The following GRM7 variants were observed in gnomAD, a reference collection of about 807,000 sequenced individuals.
GRM7 encodes metabotropic glutamate receptor 7.
A neutral mutation model predicts 84.5 loss-of-function variants in GRM7; 35 were observed. The ratio of observed to expected loss-of-function variants is 0.41; its 90% CI spans 0.32 to 0.55. The LOEUF (loss-of-function observed/expected upper bound fraction) is 0.55, where lower values mean the gene tolerates loss of function less well. Among genes scored for constraint, GRM7 ranks in the 20% least tolerant of loss-of-function variants. The pLI is 0.19. For missense variants in GRM7, 1,003 were observed against 1,194.6 expected (o/e 0.84, Z 2.36); for synonymous variants, 487 against 455.1 (o/e 1.07, Z -0.89).
chr3:7,349,187 A>G (rs1693024082), intron 4 of GRM7, among the ~76,000 whole-genome samples: 2 of 151,958 alleles, frequency 1.3e-5, no homozygotes, highest in Non-Finnish European at 2.9e-5. Context: ...CACAATGAAC[A>G]TTTTTACTCC....
intron 2 of GRM7, among the ~76,000 whole-genome samples, chr3:7,281,594 G>C (rs994235371): frequency 2.5e-4 from 38 of 152,066 alleles, no homozygotes; most frequent in African/African-American, 8.7e-4. Context: ...TCCTAAGAAA[G>C]CAGATTTTTT....
rs5846535 is a variant in GRM7, at chr3:7,713,124, G to GTTTTTTTTTTTTTTTTTTTTTTTTTTT, written c.2699-27231_2699-27205dup. Among the ~76,000 whole-genome samples, 3 of 97,124 alleles carry GTTTTTTTTTTTTTTTTTTTTTTTTTTT rather than the reference G, an allele frequency of 3.1e-5. 1 individual carries two copies. The highest frequency in any genetic ancestry group is 4.4e-5 in the Non-Finnish European group (2 of 45,308). 63.7% of individuals were successfully genotyped at this position (97,124 alleles called of 152,430 possible). Reference sequence around the variant, plus strand: ...ATAGAGAGGATTCGAATTTTGTTTTGTTTTTTTTTTTTTTTTTTTTTTTTT... The same window carrying GTTTTTTTTTTTTTTTTTTTTTTTTTTT: ...ATAGAGAGGATTCGAATTTTGTTTTGTTTTTTTTTTTTTTTTTTTTTTTTTTTTTTTTTTTTTTTTTTTTTTTTTTTT... On this transcript the variant is annotated intron_variant, in intron 9 of 9. Coordinates refer to ENST00000357716, the MANE Select transcript of GRM7 (RefSeq NM_000844.4).
intron 1 of GRM7, among the ~76,000 whole-genome samples, chr3:6,950,767 C>T (rs1692717745): frequency 6.6e-6 from 1 of 152,238 alleles, no homozygotes; most frequent in Admixed American, 6.5e-5. Context: ...AGGCGCCCCT[C>T]CCCCAGCCTT....
At chr3:7,727,035 T>C (rs1341141289) in intron 9 of GRM7, among the ~76,000 whole-genome samples, 1 of 152,104 alleles carries the variant, frequency 6.6e-6, no homozygotes, top group African/African-American at 2.4e-5. Context: ...TTGATTTATT[T>C]TCTTTCATAT....
At position 7,696,415 on chromosome 3, in the gene GRM7, A is replaced by G. The variant is rs537556571; in HGVS notation, c.2698+16120A>G. Among the ~76,000 whole-genome samples, 33 of 152,276 alleles carry G rather than the reference A, an allele frequency of 2.2e-4. No homozygotes were observed. In the South Asian group the frequency reaches 6.0e-3, roughly 28 times the overall value. Reference sequence around the variant, plus strand: ...TGGCAAGTTTGTTTGTGGTCAGTACATGGATAATGACTACAGTAAGGCCCT... The same window carrying G: ...TGGCAAGTTTGTTTGTGGTCAGTACGTGGATAATGACTACAGTAAGGCCCT... On this transcript the variant is annotated intron_variant, in intron 9 of 9. Transcript: ENST00000357716.
chr3:7,494,771 G>A (rs1699641847), intron 7 of GRM7, among the ~76,000 whole-genome samples: 1 of 152,064 alleles, frequency 6.6e-6, no homozygotes, highest in Non-Finnish European at 1.5e-5. Context: ...GTAATTTTAA[G>A]CAATATTGTT....
chr3:7,308,235 A>G (rs1249758847), intron 4 of GRM7, among the ~76,000 whole-genome samples: 2 of 138,564 alleles, frequency 1.4e-5, no homozygotes, highest in African/African-American at 5.9e-5. Context: ...TGTTTGGTTG[A>G]TTGACTTCTA....
At chr3:7,315,199 C>T (rs898277359) in intron 4 of GRM7, among the ~76,000 whole-genome samples, 1 of 152,218 alleles carries the variant, frequency 6.6e-6, no homozygotes, top group African/African-American at 2.4e-5. Flanking sequence ...TTAGGCCCCT[C>T]ATAACTGTGC....
intron 5 of GRM7, among the ~76,000 whole-genome samples, chr3:7,428,633 T>C (rs1350476554): frequency 6.6e-6 from 1 of 152,134 alleles, no homozygotes; most frequent in East Asian, 1.9e-4. Context: ...GTGTGGTCCT[T>C]AACAGCCACA....
chr3:6,925,167 C>T (rs531606220), intron 1 of GRM7, among the ~76,000 whole-genome samples: 7 of 152,228 alleles, frequency 4.6e-5, no homozygotes, highest in Non-Finnish European at 7.4e-5. Context: ...GTATTTCTTC[C>T]TTCCATTTCA....
At chr3:7,288,309 A>T (rs1386201990) in intron 2 of GRM7, among the ~76,000 whole-genome samples, 1 of 152,168 alleles carries the variant, frequency 6.6e-6, no homozygotes, top group African/African-American at 2.4e-5. Flanking sequence ...TTGATAGCCT[A>T]GAATACCACA....
At chr3:7,093,688 AAAAAAAAAAAAAAAAAAAAAAAAAAAG>A (rs1038957182) in intron 1 of GRM7, among the ~76,000 whole-genome samples, 6 of 100,360 alleles carry the variant, frequency 6.0e-5, no homozygotes, top group African/African-American at 1.2e-4. Flanking sequence ...AAAAAAAAAA[AAAAAAAAAAAAAAAAAAAAAAAAAAAG>A]GTAGTTAGTG....
chr3:7,435,061 A>AT (rs1431548349), intron 5 of GRM7, among the ~76,000 whole-genome samples: 2 of 152,032 alleles, frequency 1.3e-5, no homozygotes, highest in Non-Finnish European at 2.9e-5. Context: ...TTTTACCTAA[A>AT]TTAATTTATT....
At chr3:7,215,778 AC>A (rs1696589874) in intron 2 of GRM7, among the ~76,000 whole-genome samples, 1 of 152,230 alleles carries the variant, frequency 6.6e-6, no homozygotes, top group Admixed American at 6.5e-5. Flanking sequence ...TAAAGGCTAG[AC>A]AAATGTAGTT....
chr3:7,055,220 T>C (rs1697171749), intron 1 of GRM7, among the ~76,000 whole-genome samples: 1 of 151,884 alleles, frequency 6.6e-6, no homozygotes, highest in Admixed American at 6.6e-5. Flanking sequence ...CTTCTCTTTT[T>C]ATTATTTATT....
intron 7 of GRM7, among the ~76,000 whole-genome samples, chr3:7,547,652 GT>G (rs2125022069): frequency 6.6e-6 from 1 of 152,278 alleles, no homozygotes; most frequent in South Asian, 2.1e-4. Context: ...CCAGATATCA[GT>G]AATTTTTAAA....
chr3:7,035,252 CA>C (rs758243765), intron 1 of GRM7, among the ~76,000 whole-genome samples: 1 of 152,008 alleles, frequency 6.6e-6, no homozygotes, highest in East Asian at 1.9e-4. Context: ...ATGGCTGTGG[CA>C]AAAATGGAAG....
chr3:7,353,881 G>A (rs1693271540), intron 4 of GRM7, among the ~76,000 whole-genome samples: 1 of 152,146 alleles, frequency 6.6e-6, no homozygotes, highest in South Asian at 2.1e-4. Flanking sequence ...TCAGAATAGT[G>A]TGACTTGTGT....
chr3:7,233,631 C>G (rs957396982), intron 2 of GRM7, among the ~76,000 whole-genome samples: 1 of 152,082 alleles, frequency 6.6e-6, no homozygotes, highest in Non-Finnish European at 1.5e-5. Context: ...TAGAAATAGT[C>G]ATTTATTCAA....
Sources: gnomAD v4.1 joint callset for allele counts (sites outside exome capture counted in the v4.1 genomes callset) on GRCh38, gnomAD v4.1.1 for gene constraint, MANE v1.5 for transcripts, NCBI Gene and HGNC (gene_info 2026-07-23, HGNC 2026-07-21) for gene names.